Variants in DPH6 observed in about 807,000 individuals in gnomAD.
The protein encoded by DPH6 is diphthine--ammonia ligase.
Under a neutral mutation model 38.2 loss-of-function variants are expected in DPH6, and 33 were observed. The ratio of observed to expected loss-of-function variants is 0.86; its 90% CI spans 0.65 to 1.15. The LOEUF is 1.15. DPH6 is among the 50% of genes most tolerant of loss of function. The pLI, the probability that DPH6 is intolerant of heterozygous loss-of-function variation, is 0.00. For missense variants in DPH6, 325 were observed against 320.0 expected (o/e 1.02, Z -0.12); for synonymous variants, 108 against 103.0 (o/e 1.05, Z -0.30).
rs1491418079 is a variant in DPH6, at chr15:35,543,259, A to ATATATATATATATAT, written c.24-753_24-752insATATATATATATATA. ...ATACATATAGTACACACATACACAT[A>ATATATATATATATAT]ATATATATATATATATATATATATA... is the stretch of plus-strand genomic sequence containing the variant. On this transcript the variant is annotated intron_variant, in intron 1 of 8. Coordinates refer to ENST00000256538, the MANE Select transcript of DPH6 (RefSeq NM_080650.4). Among the ~76,000 whole-genome samples, 7 of 114,118 alleles carry ATATATATATATATAT rather than the reference A, an allele frequency of 6.1e-5. No individual in the cohort carries two copies. In the South Asian group the frequency reaches 8.2e-4, roughly 13 times the overall value. 74.9% of individuals were successfully genotyped at this position (114,118 alleles called of 152,430 possible). A position where few individuals can be genotyped will look rare whatever the true frequency, so the allele number is the denominator to read the frequency against.
intron 3 of DPH6, among the ~76,000 whole-genome samples, chr15:35,265,884 T>C (rs1218961036): frequency 1.3e-5 from 2 of 152,192 alleles, no homozygotes; most frequent in Non-Finnish European, 2.9e-5. Context: ...TGTCACTGAT[T>C]CAATGTAACA....
intron 3 of DPH6, among the ~76,000 whole-genome samples, chr15:35,343,511 C>T (rs527716431): frequency 6.6e-6 from 1 of 152,100 alleles, no homozygotes; most frequent in African/African-American, 2.4e-5. Flanking sequence ...GAATACCACA[C>T]AAAAGTCCAT....
intron 3 of DPH6, among the ~76,000 whole-genome samples, chr15:35,484,813 A>G (rs1229857180): frequency 6.6e-6 from 1 of 152,200 alleles, no homozygotes; most frequent in Non-Finnish European, 1.5e-5. Context: ...ACCTATCACA[A>G]TTGGATTAGT....
At chr15:35,225,734 C>T (rs2051476044) in intron 3 of DPH6, among the ~76,000 whole-genome samples, 1 of 152,162 alleles carries the variant, frequency 6.6e-6, no homozygotes. Context: ...CTTGCTGTCA[C>T]TGGTGTGTTA....
At chr15:35,305,689 A>G (rs886968614) in intron 3 of DPH6, among the ~76,000 whole-genome samples, 6 of 152,200 alleles carry the variant, frequency 3.9e-5, no homozygotes, top group African/African-American at 1.4e-4. Context: ...AATTCTATAC[A>G]TATCTCTAAT....
chr15:35,380,918 T>C (rs1374713985), intron 7 of DPH6, among the ~76,000 whole-genome samples: 7 of 152,176 alleles, frequency 4.6e-5, no homozygotes. Context: ...ATGTTGATTA[T>C]TAATGGAAAA....
intron 3 of DPH6, among the ~76,000 whole-genome samples, chr15:35,224,778 TG>T (rs2051468728): frequency 6.6e-6 from 1 of 152,184 alleles, no homozygotes; most frequent in Non-Finnish European, 1.5e-5. Context: ...AGGTGTGTAG[TG>T]GATTTAATAG....
chr15:35,469,621 G>A (rs1310557690), intron 3 of DPH6, among the ~76,000 whole-genome samples: 1 of 152,164 alleles, frequency 6.6e-6, no homozygotes. Flanking sequence ...CACACTGACT[G>A]ATAGGAAATG....
At chr15:35,452,930 G>A (rs530522441) in intron 4 of DPH6, among the ~76,000 whole-genome samples, 27 of 152,118 alleles carry the variant, frequency 1.8e-4, no homozygotes, top group African/African-American at 6.0e-4. Context: ...CAACAACCAC[G>A]AATTTTACGA....
At chr15:35,465,770 T>C (rs1459582757) in intron 3 of DPH6, among the ~76,000 whole-genome samples, 1 of 152,214 alleles carries the variant, frequency 6.6e-6, no homozygotes, top group Non-Finnish European at 1.5e-5. Context: ...CACTAATTTG[T>C]AGTATTATTA....
At chr15:35,445,545 T>G (rs2053841537) in intron 5 of DPH6, among the ~76,000 whole-genome samples, 2 of 151,926 alleles carry the variant, frequency 1.3e-5, no homozygotes, top group Non-Finnish European at 2.9e-5. Context: ...ACTCAACATA[T>G]GAACCATGTA....
intron 3 of DPH6, among the ~76,000 whole-genome samples, chr15:35,502,695 T>A (rs1318536832): frequency 2.0e-5 from 3 of 151,756 alleles, no homozygotes; most frequent in African/African-American, 7.2e-5. Context: ...CTGGAGTAAT[T>A]CTTGAAGCAA....
At chr15:35,351,113 T>A (rs962214487) in intron 3 of DPH6, among the ~76,000 whole-genome samples, 1 of 152,204 alleles carries the variant, frequency 6.6e-6, no homozygotes, top group Admixed American at 6.5e-5. Flanking sequence ...CTAATATATA[T>A]AAAATTACAT....
At chr15:35,285,136 T>G (rs1044200615) in intron 3 of DPH6, among the ~76,000 whole-genome samples, 1 of 152,092 alleles carries the variant, frequency 6.6e-6, no homozygotes, top group African/African-American at 2.4e-5. Flanking sequence ...TGGGATGCAT[T>G]TGAGATATCT....
intron 3 of DPH6, among the ~76,000 whole-genome samples, chr15:35,292,750 T>G (rs1202687014): frequency 6.6e-6 from 1 of 152,216 alleles, no homozygotes; most frequent in African/African-American, 2.4e-5. Flanking sequence ...CTTGCTACTT[T>G]TTAGAAAATG....
chr15:35,435,906 C>T (rs1030959360), intron 5 of DPH6, among the ~76,000 whole-genome samples: 2 of 152,104 alleles, frequency 1.3e-5, no homozygotes, highest in African/African-American at 4.8e-5. Flanking sequence ...GAATGTCAGC[C>T]TTGGTCCAAA....
At chr15:35,465,643 T>TA (rs1361247322) in intron 3 of DPH6, among the ~76,000 whole-genome samples, 3 of 152,148 alleles carry the variant, frequency 2.0e-5, no homozygotes, top group Non-Finnish European at 2.9e-5. Context: ...CTGGACTAGT[T>TA]AAAAAATCTT....
At chr15:35,545,949 C>T (rs1595461119) in intron 1 of DPH6, among the ~76,000 whole-genome samples, 170 bp downstream of exon 1, 1 of 149,314 alleles carries the variant, frequency 6.7e-6, no homozygotes, top group East Asian at 1.9e-4. Flanking sequence ...GGCCGAGGCA[C>T]ATGCGGGCCG....
chr15:35,398,462 G>C (rs1349882180), intron 6 of DPH6, among the ~76,000 whole-genome samples: 1 of 152,116 alleles, frequency 6.6e-6, no homozygotes, highest in Non-Finnish European at 1.5e-5. Context: ...ATGAAAACCC[G>C]AACGGACAGG....
Sources: allele counts gnomAD v4.1 joint callset (sites outside exome capture counted in the v4.1 genomes callset), GRCh38; gene constraint gnomAD v4.1.1; transcripts MANE v1.5; gene names NCBI Gene and HGNC (gene_info 2026-07-23, HGNC 2026-07-21).